Variants in ARHGAP15 observed in about 807,000 individuals in gnomAD.
ARHGAP15 encodes the protein rho GTPase-activating protein 15.
A neutral mutation model predicts 63.7 loss-of-function variants in ARHGAP15; 51 were observed. The ratio of observed to expected loss-of-function variants is 0.80; its 90% CI spans 0.64 to 1.01. The LOEUF is 1.01. Among genes scored for constraint, ARHGAP15 ranks in the 50% least tolerant of loss-of-function variants. ARHGAP15 has a pLI of 0.00. For synonymous variants in ARHGAP15, 191 were observed against 193.8 expected, an observed-to-expected ratio of 0.99 and a Z score of 0.12; for missense variants, 560 against 564.6, an observed-to-expected ratio of 0.99 and a Z score of 0.08.
At chr2:143,632,370 T>A (rs1680083852) in intron 12 of ARHGAP15, among the ~76,000 whole-genome samples, 1 of 152,140 alleles carries the variant, frequency 6.6e-6, no homozygotes, top group South Asian at 2.1e-4. Context: ...TATGAATGTA[T>A]GTATGCATAG....
At chr2:143,546,342 T>C (rs929122541) in intron 10 of ARHGAP15, among the ~76,000 whole-genome samples, 1 of 152,200 alleles carries the variant, frequency 6.6e-6, no homozygotes, top group East Asian at 1.9e-4. Flanking sequence ...GGCTACACTT[T>C]ATATAACTCT....
At chr2:143,164,239 A>G (rs1346235770) in intron 2 of ARHGAP15, among the ~76,000 whole-genome samples, 1 of 152,044 alleles carries the variant, frequency 6.6e-6, no homozygotes, top group Non-Finnish European at 1.5e-5. Context: ...CCATGTTCCT[A>G]AAGAGATGTG....
chr2:143,446,676 G>A (rs1275543143), intron 8 of ARHGAP15, among the ~76,000 whole-genome samples: 3 of 151,208 alleles, frequency 2.0e-5, no homozygotes, highest in Non-Finnish European at 4.4e-5. Context: ...TGTGCACAAT[G>A]TGCAGGTTAG....
At chr2:143,657,128 T>C (rs1681487979) in intron 12 of ARHGAP15, among the ~76,000 whole-genome samples, 1 of 152,098 alleles carries the variant, frequency 6.6e-6, no homozygotes, top group Non-Finnish European at 1.5e-5. Context: ...GGGCAGATCG[T>C]GAGGTCAGGA....
intron 11 of ARHGAP15, among the ~76,000 whole-genome samples, chr2:143,598,947 A>C (rs1375713367): frequency 6.6e-6 from 1 of 151,926 alleles, no homozygotes; most frequent in African/African-American, 2.4e-5. Context: ...TTTTAAAAAA[A>C]ACTAAGTTTT....
chr2:143,331,908 A>T (rs1268826046), intron 6 of ARHGAP15, among the ~76,000 whole-genome samples: 1 of 152,182 alleles, frequency 6.6e-6, no homozygotes, highest in East Asian at 1.9e-4. Flanking sequence ...GCTTGTTTCT[A>T]CTATCCAGAG....
chr2:143,173,479 A>G (rs1574047514), intron 2 of ARHGAP15, among the ~76,000 whole-genome samples: 1 of 152,100 alleles, frequency 6.6e-6, no homozygotes. Context: ...TTGCAACATC[A>G]GAAAGGATAG....
At chr2:143,754,993 G>T (rs934584705) in intron 13 of ARHGAP15, among the ~76,000 whole-genome samples, 2 of 152,158 alleles carry the variant, frequency 1.3e-5, no homozygotes, top group African/African-American at 4.8e-5. Context: ...GAACATTGGG[G>T]AAAGACCCAA....
intron 6 of ARHGAP15, among the ~76,000 whole-genome samples, chr2:143,307,036 A>G (rs1419453803): frequency 6.6e-6 from 1 of 152,044 alleles, no homozygotes; most frequent in Non-Finnish European, 1.5e-5. Context: ...TGGTGTTGGG[A>G]GAATTAAGTT....
chr2:143,595,388 T>C (rs1441132978), intron 11 of ARHGAP15, among the ~76,000 whole-genome samples: 1 of 152,112 alleles, frequency 6.6e-6, no homozygotes, highest in East Asian at 1.9e-4. Flanking sequence ...AGTATCATTC[T>C]CATGTTCCAA....
At chr2:143,368,132 T>C (rs1423054329) in intron 6 of ARHGAP15, among the ~76,000 whole-genome samples, 4 of 152,138 alleles carry the variant, frequency 2.6e-5, no homozygotes, top group African/African-American at 9.6e-5. Context: ...AAGCCAGATA[T>C]CCCTTCTTCA....
chr2:143,445,182 A>G (rs1690081026), intron 8 of ARHGAP15, among the ~76,000 whole-genome samples: 1 of 60,552 alleles, frequency 1.7e-5, no homozygotes, highest in Non-Finnish European at 2.9e-5. Context: ...TTTTTTTGAG[A>G]AGGAGTCTCA....
At chr2:143,383,874 G>T (rs982392846) in intron 6 of ARHGAP15, among the ~76,000 whole-genome samples, 4 of 152,104 alleles carry the variant, frequency 2.6e-5, no homozygotes, top group African/African-American at 9.7e-5. Context: ...CAATATTCTA[G>T]GGGCAGGATT....
At chr2:143,166,065 A>G (rs372409855) in intron 2 of ARHGAP15, among the ~76,000 whole-genome samples, 4 of 126,192 alleles carry the variant, frequency 3.2e-5, no homozygotes, top group African/African-American at 8.9e-5. Context: ...AAGAAAGAAA[A>G]AAAATATCTT....
chr2:143,472,308 A>G (rs941833397), intron 8 of ARHGAP15, among the ~76,000 whole-genome samples: 1 of 152,154 alleles, frequency 6.6e-6, no homozygotes, highest in Non-Finnish European at 1.5e-5. Context: ...GAGAAGTGGT[A>G]GTAGTAACCC....
chr2:143,417,964 A>C lies in ARHGAP15; in HGVS notation c.475-17637A>C, dbSNP rs148378463. On this transcript the variant is annotated intron_variant, in intron 6 of 13. Transcript: ENST00000295095. ...TCCACAATTGGATGAAAGTTTCTGC[A>C]ACTGCTGATGGAGTAGGGTTTCACC... Among the ~76,000 whole-genome samples the C allele has an allele frequency of 7.4e-3, 1,120 of 152,332 alleles. 11 individuals are homozygous for C. The highest frequency in any genetic ancestry group is 0.026 in the African/African-American group (1,069 of 41,566).
intron 6 of ARHGAP15, among the ~76,000 whole-genome samples, chr2:143,302,415 C>T (rs1202666440): frequency 6.6e-6 from 1 of 151,972 alleles, no homozygotes; most frequent in African/African-American, 2.4e-5. Flanking sequence ...ATACTTCTTG[C>T]TCTGACTAAA....
intron 11 of ARHGAP15, among the ~76,000 whole-genome samples, chr2:143,610,267 C>CT (rs139203885): frequency 1.1e-3 from 170 of 152,196 alleles, no homozygotes; most frequent in Middle Eastern, 0.01. Context: ...TATTCAATGC[C>CT]TTATCACATA....
At chr2:143,747,041 GT>G (rs1165485714) in intron 13 of ARHGAP15, among the ~76,000 whole-genome samples, 1 of 151,824 alleles carries the variant, frequency 6.6e-6, no homozygotes, top group Non-Finnish European at 1.5e-5. Flanking sequence ...CCAGATTTAG[GT>G]TTAAAAAACT....
Sources: allele counts gnomAD v4.1 joint callset (sites outside exome capture counted in the v4.1 genomes callset), GRCh38; gene constraint gnomAD v4.1.1; transcripts MANE v1.5; gene names NCBI Gene and HGNC (gene_info 2026-07-23, HGNC 2026-07-21).